Variants in OPRM1 observed in about 807,000 individuals in gnomAD.
OPRM1 encodes opioid receptor mu 1.
A neutral mutation model predicts 31.8 loss-of-function variants in OPRM1; 27 were observed. The ratio of observed to expected loss-of-function variants is 0.85; its 90% CI spans 0.63 to 1.17. The LOEUF (loss-of-function observed/expected upper bound fraction) is 1.17. OPRM1 is among the 50% of genes most tolerant of loss of function. The pLI, the probability that OPRM1 is intolerant of heterozygous loss-of-function variation, is 0.00. For synonymous variants in OPRM1, 196 were observed against 189.9 expected, an observed-to-expected ratio of 1.03 and a Z score of -0.26; for missense variants, 536 against 511.1, an observed-to-expected ratio of 1.05 and a Z score of -0.47.
chr6:154,052,289 C>A (rs1043450043), intron 1 of OPRM1, among the ~76,000 whole-genome samples: 29 of 152,122 alleles, frequency 1.9e-4, no homozygotes, highest in African/African-American at 7.0e-4. Context: ...CACAAGTATA[C>A]CTGTGTAACA....
chr6:154,044,207 A>G (rs529467226), intron 1 of OPRM1, among the ~76,000 whole-genome samples: 1 of 152,110 alleles, frequency 6.6e-6, no homozygotes, highest in Admixed American at 6.6e-5. Flanking sequence ...GACTACCACT[A>G]TCATAAATTT....
At chr6:154,162,967 G>C (rs1225709083) in intron 3 of OPRM1, among the ~76,000 whole-genome samples, 1 of 152,088 alleles carries the variant, frequency 6.6e-6, no homozygotes, top group Non-Finnish European at 1.5e-5. Context: ...CTTCCACAAA[G>C]CACTTAATGG....
At chr6:154,180,414 A>ATATATATATATATATTTTTTTTTT (rs1241250621) in intron 3 of OPRM1, among the ~76,000 whole-genome samples, 1 of 65,266 alleles carries the variant, frequency 1.5e-5, no homozygotes, top group African/African-American at 4.8e-5. Context: ...ATATATATAT[A>ATATATATATATATATTTTTTTTTT]TTTTTTTTTT....
chr6:154,057,361 A>G (rs937093098), intron 1 of OPRM1, among the ~76,000 whole-genome samples: 2 of 152,222 alleles, frequency 1.3e-5, no homozygotes, highest in African/African-American at 4.8e-5. Flanking sequence ...AAACAATTTT[A>G]CCAGTTAATA....
intron 3 of OPRM1, among the ~76,000 whole-genome samples, chr6:154,230,665 C>G (rs923132900): frequency 1.3e-5 from 2 of 152,046 alleles, no homozygotes; most frequent in Non-Finnish European, 2.9e-5. Flanking sequence ...TCATGTAGTT[C>G]CTGGTTAAAA....
downstream of OPRM1, among the ~76,000 whole-genome samples, chr6:154,133,699 A>C (rs1797986911): frequency 6.6e-6 from 1 of 152,166 alleles, no homozygotes; most frequent in Non-Finnish European, 1.5e-5. Context: ...AGGCAGTCCA[A>C]TGTGTGTTGG....
chr6:154,111,037 G>A (rs1796308667), intron 3 of OPRM1, among the ~76,000 whole-genome samples: 1 of 152,026 alleles, frequency 6.6e-6, no homozygotes, highest in African/African-American at 2.4e-5. Context: ...GTATTATATT[G>A]GACAAAATAA....
intron 3 of OPRM1, among the ~76,000 whole-genome samples, chr6:154,096,750 C>T (rs1793463546): frequency 6.6e-6 from 1 of 152,138 alleles, no homozygotes; most frequent in South Asian, 2.1e-4. Flanking sequence ...CCCAGGGCTT[C>T]GAATATTACT....
intron 3 of OPRM1, among the ~76,000 whole-genome samples, chr6:154,207,047 T>C (rs1777554906): frequency 6.6e-6 from 1 of 151,860 alleles, no homozygotes; most frequent in Non-Finnish European, 1.5e-5. Context: ...AATTGGGAGG[T>C]GGTTTTTAGG....
At chr6:154,093,050 C>T (rs1792645993) in intron 3 of OPRM1, among the ~76,000 whole-genome samples, 1 of 152,202 alleles carries the variant, frequency 6.6e-6, no homozygotes, top group Admixed American at 6.5e-5. Flanking sequence ...CAACCTAATG[C>T]TAAGCAGCCC....
chr6:154,107,282 G>A (rs1583576344), intron 3 of OPRM1, among the ~76,000 whole-genome samples: 2 of 152,146 alleles, frequency 1.3e-5, no homozygotes, highest in East Asian at 3.8e-4. Context: ...TTTAACCATA[G>A]CACTCTTTAA....
At chr6:154,221,768 G>C (rs1778882599) in intron 3 of OPRM1, among the ~76,000 whole-genome samples, 1 of 152,110 alleles carries the variant, frequency 6.6e-6, no homozygotes, top group Non-Finnish European at 1.5e-5. Flanking sequence ...CAGCTACCCG[G>C]GAGGCTGAGG....
intron 3 of OPRM1, among the ~76,000 whole-genome samples, chr6:154,209,601 G>A (rs934964338): frequency 4.7e-5 from 7 of 147,762 alleles, no homozygotes; most frequent in East Asian, 2.0e-4. Context: ...TTGTGATCAC[G>A]CCACTGCACT....
intron 1 of OPRM1, among the ~76,000 whole-genome samples, chr6:154,082,222 T>C (rs1417639067): frequency 6.6e-6 from 1 of 152,232 alleles, no homozygotes; most frequent in East Asian, 1.9e-4. Flanking sequence ...TTTCTTTATT[T>C]AAATTCCATT....
chr6:154,192,272 G>T lies in OPRM1; in HGVS notation c.1165-54421G>T, dbSNP rs139269283. ...TACCCCACACCCTCACAAGTAATTT[G>T]CTGGCTGATTTCTGTTTCTTGACCC... On this transcript the variant is annotated intron_variant, in intron 3 of 3. Coordinates refer to the OPRM1 transcript ENST00000337049. Among the ~76,000 whole-genome samples, 493 of 150,932 alleles carry T rather than the reference G, an allele frequency of 3.3e-3. 3 individuals carry two copies. The highest frequency in any genetic ancestry group is 0.011 in the African/African-American group (438 of 41,040).
intron 3 of OPRM1, among the ~76,000 whole-genome samples, chr6:154,169,178 T>C (rs1439304476): frequency 6.6e-6 from 1 of 151,906 alleles, no homozygotes; most frequent in Non-Finnish European, 1.5e-5. Context: ...CTTGACAACA[T>C]GGTAAAACCC....
chr6:154,221,048 A>G (rs1409608494), intron 3 of OPRM1, among the ~76,000 whole-genome samples: 1 of 152,244 alleles, frequency 6.6e-6, no homozygotes, highest in African/African-American at 2.4e-5. Flanking sequence ...GTTCCCCGAA[A>G]TAGCCACTTT....
chr6:154,179,157 G>A (rs1800618806), intron 3 of OPRM1, among the ~76,000 whole-genome samples: 2 of 152,050 alleles, frequency 1.3e-5, no homozygotes, highest in Non-Finnish European at 2.9e-5. Flanking sequence ...AGGATCACAG[G>A]ACAAAAACAG....
At chr6:154,151,731 C>T (rs899792284) in intron 3 of OPRM1, among the ~76,000 whole-genome samples, 11 of 152,266 alleles carry the variant, frequency 7.2e-5, no homozygotes, top group African/African-American at 2.6e-4. Flanking sequence ...ACCTCCTACT[C>T]TGGCTAGAAC....
Sources: gnomAD v4.1 joint callset for allele counts (sites outside exome capture counted in the v4.1 genomes callset) on GRCh38, gnomAD v4.1.1 for gene constraint, MANE v1.5 for transcripts, NCBI Gene and HGNC (gene_info 2026-07-23, HGNC 2026-07-21) for gene names.